Variants in TENM4 observed in about 807,000 individuals in gnomAD.
TENM4 encodes the protein teneurin-4.
In TENM4, 82 loss-of-function variants were observed where a neutral mutation model predicts 243.3. The observed-to-expected ratio is 0.34, with a 90% CI of 0.28 to 0.40. The LOEUF (loss-of-function observed/expected upper bound fraction) is 0.40. TENM4 is among the 10% of genes least tolerant of loss of function. The pLI, the probability that TENM4 is intolerant of heterozygous loss-of-function variation, is 1.00. For synonymous variants in TENM4, 1,412 were observed against 1,456.3 expected (o/e 0.97, Z 0.69); for missense variants, 3,138 against 3,673.3 (o/e 0.85, Z 3.77).
intron 1 of TENM4, among the ~76,000 whole-genome samples, chr11:79,409,064 G>T (rs998771672): frequency 1.6e-5 from 1 of 61,314 alleles, no homozygotes; most frequent in Admixed American, 1.5e-4. Flanking sequence ...GATATTTTGT[G>T]TGTGTGTGTG....
chr11:79,056,179 T>C (rs1859938441), intron 6 of TENM4, among the ~76,000 whole-genome samples: 1 of 152,200 alleles, frequency 6.6e-6, no homozygotes, highest in South Asian at 2.1e-4. Flanking sequence ...ATCATGCATG[T>C]TGTTGCCTCC....
intron 9 of TENM4, among the ~76,000 whole-genome samples, chr11:78,879,425 C>T (rs1258651415): frequency 9.3e-5 from 14 of 150,448 alleles, no homozygotes; most frequent in Non-Finnish European, 1.5e-4. Flanking sequence ...TCTGCCCGGC[C>T]GCCCCGTCTG....
intron 6 of TENM4, among the ~76,000 whole-genome samples, chr11:79,041,069 C>T (rs1591233511): frequency 6.8e-6 from 1 of 146,800 alleles, no homozygotes; most frequent in Non-Finnish European, 1.5e-5. Flanking sequence ...CCATTCTCCT[C>T]TTTTTTTTTT....
At chr11:78,884,112 T>C (rs1282909265) in intron 9 of TENM4, among the ~76,000 whole-genome samples, 1 of 152,204 alleles carries the variant, frequency 6.6e-6, no homozygotes, top group African/African-American at 2.4e-5. Context: ...TTACAGAAAT[T>C]TCACCCCAAC....
chr11:79,371,180 C>T (rs977668726), intron 1 of TENM4, among the ~76,000 whole-genome samples: 1 of 152,218 alleles, frequency 6.6e-6, no homozygotes, highest in African/African-American at 2.4e-5. Flanking sequence ...ATAGAGGATA[C>T]AGGTGGCTTC....
chr11:78,821,374 C>T (rs886769433), intron 12 of TENM4, among the ~76,000 whole-genome samples: 4 of 152,102 alleles, frequency 2.6e-5, no homozygotes, highest in African/African-American at 9.7e-5. Context: ...ATAAACAAAG[C>T]AGGAATACAA....
chr11:79,344,406 A>G (rs1439735836), intron 1 of TENM4, among the ~76,000 whole-genome samples: 2 of 152,146 alleles, frequency 1.3e-5, no homozygotes, highest in African/African-American at 2.4e-5. Context: ...TCGGGCAGAG[A>G]GGGAAGAGCC....
chr11:78,784,993 A>G (rs1333428757), intron 16 of TENM4, among the ~76,000 whole-genome samples: 1 of 151,964 alleles, frequency 6.6e-6, no homozygotes, highest in Non-Finnish European at 1.5e-5. Flanking sequence ...AGGACTCTGT[A>G]AGCAAGAGAC....
intron 19 of TENM4, among the ~76,000 whole-genome samples, chr11:78,755,144 A>G (rs1448151973): frequency 1.3e-5 from 2 of 151,878 alleles, no homozygotes; most frequent in Non-Finnish European, 2.9e-5. Flanking sequence ...CTCTTTTCTC[A>G]TTACATATTC....
intron 3 of TENM4, among the ~76,000 whole-genome samples, chr11:79,187,630 T>G (rs1863402700): frequency 6.6e-6 from 1 of 152,208 alleles, no homozygotes; most frequent in African/African-American, 2.4e-5. Context: ...CTAGTTCCTA[T>G]GTTGAAGTCC....
intron 4 of TENM4, among the ~76,000 whole-genome samples, chr11:79,116,128 T>C (rs1176576648): frequency 6.6e-6 from 1 of 152,196 alleles, no homozygotes; most frequent in Non-Finnish European, 1.5e-5. Flanking sequence ...AACAAAATTG[T>C]CCACATTGGT....
chr11:78,912,226 G>C (rs918449471), intron 6 of TENM4, among the ~76,000 whole-genome samples: 1 of 152,138 alleles, frequency 6.6e-6, no homozygotes, highest in Admixed American at 6.5e-5. Flanking sequence ...TGGAGCCAGA[G>C]GGAGTTTCAA....
chr11:78,975,705 A>T (rs1423909814), intron 6 of TENM4, among the ~76,000 whole-genome samples: 1 of 151,642 alleles, frequency 6.6e-6, no homozygotes, highest in Non-Finnish European at 1.5e-5. Context: ...ACCAGAATCT[A>T]ATAGTCCAGC....
chr11:79,301,341 T>C (rs138230078), intron 1 of TENM4, among the ~76,000 whole-genome samples: 2,448 of 152,278 alleles, frequency 0.016, 59 homozygotes, highest in African/African-American at 0.055. Context: ...TGAGCCACAC[T>C]GGCCCCCTTT....
chr11:78,808,445 G>T (rs1857434412), intron 14 of TENM4, among the ~76,000 whole-genome samples: 1 of 152,150 alleles, frequency 6.6e-6, no homozygotes, highest in Non-Finnish European at 1.5e-5. Context: ...TCCTAACAAT[G>T]TAAGTATGAG....
intron 4 of TENM4, among the ~76,000 whole-genome samples, chr11:79,122,079 G>A (rs1039774255): frequency 6.6e-6 from 1 of 152,136 alleles, no homozygotes; most frequent in Non-Finnish European, 1.5e-5. Context: ...GATTGCTGCT[G>A]GTTGGTGAGG....
chr11:78,830,447 T>G (rs1169335729), intron 12 of TENM4, among the ~76,000 whole-genome samples: 1 of 152,184 alleles, frequency 6.6e-6, no homozygotes, highest in Non-Finnish European at 1.5e-5. Context: ...GAGGCTAGAC[T>G]TGCTGGTCTC....
At chr11:79,276,920 C>T (rs1418683137) in intron 2 of TENM4, among the ~76,000 whole-genome samples, 1 of 152,156 alleles carries the variant, frequency 6.6e-6, no homozygotes, top group East Asian at 1.9e-4. Flanking sequence ...CCCCCAACTT[C>T]TGCTGCCTCA....
chr11:78,702,165 A>G lies in TENM4; in HGVS notation c.4448T>C (p.Ile1483Thr). 6.2e-7 allele frequency: 1 copy of G among 1,614,028 alleles called. No individual in the cohort carries two copies. Among genetic ancestry groups the G allele is most frequent in the African/African-American group, 1.3e-5 (1 of 75,054 alleles). Reference protein sequence around the residue: ...LAVSHNGVLYIAETDEKKINR... With the variant: ...LAVSHNGVLYTAETDEKKINR... ...GATCTTTTTCTCATCAGTCTCAGCA[A>G]TATACAGGACCCCATTGTGTGAAAC... Residue 1483 changes from isoleucine (I) to threonine (T), a missense_variant, in exon 28 of 34, where the codon ATT (isoleucine) becomes ACT (threonine). Coordinates refer to ENST00000278550, the MANE Select transcript of TENM4 (RefSeq NM_001098816.3).
Sources: allele counts gnomAD v4.1 joint callset (sites outside exome capture counted in the v4.1 genomes callset), GRCh38; gene constraint gnomAD v4.1.1; transcripts MANE v1.5; gene names NCBI Gene and HGNC (gene_info 2026-07-23, HGNC 2026-07-21).